Variants in PANX2 observed in about 807,000 individuals in gnomAD.
PANX2 encodes the protein pannexin 2, also known as pannexin-2.
In PANX2, 30 loss-of-function variants were observed where a neutral mutation model predicts 38.7. The observed-to-expected ratio is 0.78, with a 90% confidence interval of 0.58 to 1.05. The LOEUF is 1.05. PANX2 is among the 50% of genes least tolerant of loss of function. The pLI, the probability that PANX2 is intolerant of heterozygous loss-of-function variation, is 0.00. For missense variants in PANX2, 880 were observed against 979.3 expected (o/e 0.90, Z 1.35); for synonymous variants, 539 against 472.1 (o/e 1.14, Z -1.84).
chr22:50,171,200 G>A (rs149566956), intron 1 of PANX2, among the ~76,000 whole-genome samples: 3,044 of 152,338 alleles, frequency 0.02, 46 homozygotes, highest in Non-Finnish European at 0.03. Context: ...ATGGCCGCGG[G>A]TGGGACTAGG....
intron 1 of PANX2, chr22:50,175,569 C>A: frequency 1.6e-6 from 1 of 609,964 alleles, no homozygotes; most frequent in Non-Finnish European, 2.5e-6. Flanking sequence ...AGCTCATCTC[C>A]AGCTCGATGT....
At position 50,177,992 on chromosome 22, in the gene PANX2, G is replaced by A; in HGVS notation, c.1280G>A (p.Arg427His). The change falls in exon 2 of 3, where the codon CGC becomes CAC. Residue 427 changes from arginine to histidine, a missense_variant. Arg to His is a conservative substitution (Grantham distance 29). Transcript: ENST00000395842. ...GAGCCGCCCGTGGTCAAGCGGCCGC[G>A]CAAGAAGATGAAGTGGATCCCCACC... ...AAEPPVVKRP[R>H]KKMKWIPTSN... is the part of the protein sequence containing the mutation. 1 of 1,538,834 alleles carries A rather than the reference G, an allele frequency of 6.5e-7. No homozygotes were observed. The highest frequency in any genetic ancestry group is 8.7e-7 in the Non-Finnish European group (1 of 1,147,220).
At position 50,177,979 on chromosome 22, in the gene PANX2, G is replaced by A. The variant is rs1159269595; in HGVS notation, c.1267G>A (p.Val423Ile). Residue 423 changes from valine (V) to isoleucine (I), a missense_variant, in exon 2 of 3, where the codon GTC becomes ATC. Coordinates refer to ENST00000395842, the MANE Select transcript of PANX2 (RefSeq NM_052839.4). ...CGACGGCGCCGCCGAGCCGCCCGTG[G>A]TCAAGCGGCCGCGCAAGAAGATGAA... ...EPDGAAEPPV[V>I]KRPRKKMKWI... 4 of 1,536,322 alleles carry A rather than the reference G, an allele frequency of 2.6e-6. No individual in the cohort carries two copies. In the South Asian group the frequency reaches 4.8e-5, roughly 18 times the overall value.
rs1359845089 is a variant in PANX2 at position 50,177,111 on chromosome 22, C to A, written c.399C>A (p.Ala133=). 6.2e-7 allele frequency: 1 copy of A among 1,610,236 alleles called. No individual in the cohort carries two copies. Among genetic ancestry groups the A allele is most frequent in the South Asian group, 1.1e-5 (1 of 90,652 alleles). ...CCTACGCGCTGCTGGCCTTCGCCGC[C>A]ATCATGTACGTGCCCGCGCTGGGCT... is the stretch of plus-strand genomic sequence containing the variant. ...FLPYALLAFA[A]IMYVPALGWE... is the part of the protein sequence containing the mutation. Residue 133 remains alanine, a synonymous_variant, in exon 2 of 3, where the codon GCC becomes GCA. Transcript: ENST00000395842.
At position 50,178,890 on chromosome 22, in the gene PANX2, A is replaced by T. The variant is rs377551054; in HGVS notation, c.1691-44A>T. 9.9e-5 allele frequency: 147 copies of T among 1,485,344 alleles called. 2 individuals carry two copies. The highest frequency in any genetic ancestry group is 9.0e-4 in the Middle Eastern group (5 of 5,544). The allele number at this position is 1,485,344 out of a possible 1,614,324, so 92.0% of individuals were successfully genotyped here. ...ACTGGGTGGGCGCTGGGGGCGGCGC[A>T]GCGGAGGATGGTGTGAGATGTCTGT... On this transcript the variant is annotated intron_variant, in intron 2 of 2. Transcript: ENST00000395842.
intron 1 of PANX2, 100 bp from the exon 2 acceptor site, chr22:50,176,839 T>C: frequency 7.8e-7 from 1 of 1,286,252 alleles, no homozygotes; most frequent in East Asian, 2.6e-5. Flanking sequence ...GAGAGGCTCC[T>C]GGGAGGGGTT....
Position 50,177,184 on chromosome 22 carries a change from C to T in PANX2, c.472C>T (p.Leu158=). The T allele has an allele frequency of 6.2e-7, 1 of 1,609,738 alleles. No homozygotes were observed. The highest frequency in any genetic ancestry group is 8.5e-7 in the Non-Finnish European group (1 of 1,178,306). The part of the protein sequence containing the change: ...TRLTSELNFL[L]QEIDNCYHRA... ...CCTCACCTCCGAGCTCAACTTCCTG[C>T]TGCAGGAGATCGACAACTGTTACCA... Residue 158 remains leucine, a synonymous_variant, in exon 2 of 3, where the codon CTG becomes TTG. Coordinates refer to ENST00000395842, the MANE Select transcript of PANX2 (RefSeq NM_052839.4).
intron 2 of PANX2, 75 bp from the exon 3 acceptor site, chr22:50,178,859 G>A (rs972607606): frequency 7.5e-7 from 1 of 1,325,324 alleles, no homozygotes; most frequent in Non-Finnish European, 1.0e-6. Flanking sequence ...TCCCCCGCCA[G>A]CCTGCACTGG....
At position 50,177,967 on chromosome 22, in the gene PANX2, G is replaced by A. The variant is rs1238888987; in HGVS notation, c.1255G>A (p.Glu419Lys). 2.0e-6 allele frequency: 3 copies of A among 1,534,032 alleles called. No individual in the cohort carries two copies. Among genetic ancestry groups the A allele is most frequent in the South Asian group, 2.4e-5 (2 of 83,764 alleles). The change falls in exon 2 of 3, where the codon GAG becomes AAG. Residue 419 changes from glutamate to lysine, a missense_variant. Glu to Lys is a moderately conservative substitution (Grantham distance 56). This residue lies in a region of PANX2 where 445 missense variants were observed against 404.3 expected (regional missense o/e 1.10). Transcript: ENST00000395842. ...CCCCGCCGAGCCCGACGGCGCCGCC[G>A]AGCCGCCCGTGGTCAAGCGGCCGCG... is the stretch of plus-strand genomic sequence containing the variant. ...ANPAEPDGAA[E>K]PPVVKRPRKK...
Position 50,170,880 on chromosome 22 carries a change from C to A in PANX2, c.150C>A (p.Phe50Leu). 6.6e-7 allele frequency: 1 copy of A among 1,519,964 alleles called. No homozygotes were observed. Among genetic ancestry groups the A allele is most frequent in the East Asian group, 2.7e-5 (1 of 36,690 alleles). 94.2% of individuals were successfully genotyped at this position (1,519,964 alleles called of 1,614,324 possible). The change falls in exon 1 of 3, where the codon TTC becomes TTA. Residue 50 changes from phenylalanine (F) to leucine (L), a missense_variant. By Grantham distance (22) the Phe-to-Leu change is conservative. Coordinates refer to ENST00000395842, the MANE Select transcript of PANX2 (RefSeq NM_052839.4). ...TGCAGCTGAAGCTGGAGCTGCCGTT[C>A]GACCGGGTGGTCACCATCGGCACCG... ...LLLQLKLELP[F>L]DRVVTIGTVL...
Position 50,177,529 on chromosome 22 carries a change from C to T in PANX2, c.817C>T (p.Pro273Ser). ...CCCGGACGGGGCGGCAGGTGCGGGG[C>T]CCGCGGTGCGCGTGAGCTGCAAGCT... is the stretch of plus-strand genomic sequence containing the variant. Reference protein sequence around the residue: ...ASPDGAAGAGPAVRVSCKLPS... With the variant: ...ASPDGAAGAGSAVRVSCKLPS... Residue 273 changes from proline (P) to serine (S), a missense_variant, in exon 2 of 3, where the codon CCC (proline) becomes TCC (serine). This residue lies in a region of PANX2 where 114 missense variants were observed against 108.8 expected (regional missense o/e 1.05). Coordinates refer to ENST00000395842, the MANE Select transcript of PANX2 (RefSeq NM_052839.4). 1 of 1,610,036 alleles carries T rather than the reference C, an allele frequency of 6.2e-7. No individual in the cohort carries two copies. Among genetic ancestry groups the T allele is most frequent in the Non-Finnish European group, 8.5e-7 (1 of 1,178,666 alleles).
In PANX2 at chr22:50,179,063, G is replaced by A. The variant is rs574548079; in HGVS notation, c.1820G>A (p.Ser607Asn). Residue 607 changes from serine (S) to asparagine (N), a missense_variant, in exon 3 of 3, where the codon AGC becomes AAC. This residue lies in a region of PANX2 where 445 missense variants were observed against 404.3 expected (regional missense o/e 1.10). Transcript: ENST00000395842. ...GCTGTGGCCCCTCTGACACCAGCCAGCCTGGGCAAGGCGGAGCCCCTCACC... is the reference window on the plus strand; with the variant it reads ...GCTGTGGCCCCTCTGACACCAGCCAACCTGGGCAAGGCGGAGCCCCTCACC... ...APAVAPLTPA[S>N]LGKAEPLTIL... 83 of 1,611,050 alleles carry A rather than the reference G, an allele frequency of 5.2e-5. No individual in the cohort carries two copies. Among genetic ancestry groups the A allele is most frequent in the Non-Finnish European group, 7.0e-5 (82 of 1,179,148 alleles).
At chr22:50,174,156 C>G (rs540872674) in intron 1 of PANX2, among the ~76,000 whole-genome samples, 2 of 152,260 alleles carry the variant, frequency 1.3e-5, no homozygotes, top group African/African-American at 4.8e-5. Flanking sequence ...CAGGAGGAGG[C>G]TGCGCAGAGC....
intron 1 of PANX2, among the ~76,000 whole-genome samples, chr22:50,176,194 G>C (rs1040642275): frequency 2.0e-5 from 3 of 152,276 alleles, no homozygotes; most frequent in African/African-American, 7.2e-5. Context: ...TTTCACTGCC[G>C]TTCGTGTCAT....
Position 50,178,923 on chromosome 22 carries a change from G to A in PANX2, c.1691-11G>A. The A allele has an allele frequency of 6.4e-7, 1 of 1,554,894 alleles. No homozygotes were observed. The highest frequency in any genetic ancestry group is 8.7e-7 in the Non-Finnish European group (1 of 1,148,940). On this transcript the variant is annotated splice_polypyrimidine_tract_variant and intron_variant, in intron 2 of 2. Transcript: ENST00000395842. The stretch of plus-strand genomic sequence containing the variant: ...ATGGTGTGAGATGTCTGTGCTCTTG[G>A]CTGTTTGCAGATGCTCCGCTCCCCG...
At chr22:50,173,275 C>A (rs1281684480) in intron 1 of PANX2, among the ~76,000 whole-genome samples, 1 of 152,248 alleles carries the variant, frequency 6.6e-6, no homozygotes, top group Non-Finnish European at 1.5e-5. Context: ...TCAGGTGATC[C>A]GCCCGCCTCG....
At position 50,177,168 on chromosome 22, in the gene PANX2, C is replaced by T. The variant is rs767150673; in HGVS notation, c.456C>T (p.Ser152=). ...TCCTGGCCTCCACGCGCCTCACCTC[C>T]GAGCTCAACTTCCTGCTGCAGGAGA... ...WEFLASTRLT[S]ELNFLLQEID... Residue 152 remains serine (S), a synonymous_variant, in exon 2 of 3, where the codon TCC becomes TCT. Coordinates refer to ENST00000395842, the MANE Select transcript of PANX2 (RefSeq NM_052839.4). 1.9e-6 allele frequency: 3 copies of T among 1,608,696 alleles called. No homozygotes were observed. Among genetic ancestry groups the T allele is most frequent in the Admixed American group, 1.7e-5 (1 of 59,404 alleles).
intron 2 of PANX2, 70 bp from the exon 3 acceptor site, chr22:50,178,864 C>A: frequency 7.4e-7 from 1 of 1,360,480 alleles, no homozygotes; most frequent in Non-Finnish European, 9.9e-7. Flanking sequence ...CGCCAGCCTG[C>A]ACTGGGTGGG....
rs750357714 is a variant in PANX2, at chr22:50,177,648, C to T, written c.936C>T (p.Leu312=). Reference sequence around the variant, plus strand: ...TCATCCTCGTCAACCTCATCCACCTCTTCATCTTCCGCAAGAGCAACTTCA... The same window carrying T: ...TCATCCTCGTCAACCTCATCCACCTTTTCATCTTCCGCAAGAGCAACTTCA... The part of the protein sequence containing the change: ...NLIILVNLIH[L]FIFRKSNFIF... Residue 312 remains leucine (L), a synonymous_variant, in exon 2 of 3, where the codon CTC becomes CTT. Transcript: ENST00000395842. 1 of 1,612,804 alleles carries T rather than the reference C, an allele frequency of 6.2e-7. No homozygotes were observed. Among genetic ancestry groups the T allele is most frequent in the South Asian group, 1.1e-5 (1 of 91,092 alleles).
Sources: allele counts gnomAD v4.1 joint callset (sites outside exome capture counted in the v4.1 genomes callset), GRCh38; gene constraint gnomAD v4.1.1; regional missense constraint gnomAD v4.1.1; transcripts MANE v1.5; gene names NCBI Gene and HGNC (gene_info 2026-07-23, HGNC 2026-07-21).